Variants in TENM3 observed in about 807,000 individuals in gnomAD.
TENM3 encodes the protein teneurin-3.
TENM3 carries 63 observed loss-of-function variants against 255.1 expected under a neutral mutation model. The ratio of observed to expected loss-of-function variants is 0.25; its 90% CI spans 0.20 to 0.30. TENM3 has a LOEUF of 0.30. Among genes scored for constraint, TENM3 ranks in the 10% least tolerant of loss-of-function variants. The pLI is 1.00. For synonymous variants in TENM3, 1,306 were observed against 1,322.3 expected (o/e 0.99, Z 0.27); for missense variants, 2,929 against 3,461.1 (o/e 0.85, Z 3.86).
the TENM3 span, among the ~76,000 whole-genome samples, chr4:181,805,494 C>T: frequency 1.1e-4 from 16 of 152,234 alleles, no homozygotes; most frequent in African/African-American, 3.8e-4. Flanking sequence ...GAAGAATTTC[C>T]TTGCAGAATC....
chr4:182,673,755 G>A (rs183755316), intron 7 of TENM3, among the ~76,000 whole-genome samples: 23 of 152,190 alleles, frequency 1.5e-4, no homozygotes, highest in Non-Finnish European at 3.1e-4. Context: ...AGAGGCAAGA[G>A]AGCTTTCAGA....
chr4:181,585,161 TA>T, the TENM3 span, among the ~76,000 whole-genome samples: 92 of 149,738 alleles, frequency 6.1e-4, no homozygotes, highest in African/African-American at 2.0e-3. Context: ...ATATTTCAAC[TA>T]AAAAAAAAAT....
the TENM3 span, among the ~76,000 whole-genome samples, chr4:181,579,335 G>A: frequency 6.6e-6 from 1 of 152,144 alleles, no homozygotes; most frequent in African/African-American, 2.4e-5. Context: ...TTTGCAAACT[G>A]TTCTGTCCAT....
At chr4:182,124,553 C>A in the TENM3 span, among the ~76,000 whole-genome samples, 1 of 152,290 alleles carries the variant, frequency 6.6e-6, no homozygotes, top group Admixed American at 6.5e-5. Flanking sequence ...AGAACAAAGG[C>A]TGAGCCCTGG....
At position 182,680,675 on chromosome 4, in the gene TENM3, G is replaced by C; in HGVS notation, c.1772G>C (p.Gly591Ala). Residue 591 changes from glycine to alanine, a missense_variant, in exon 10 of 28, where the codon GGG becomes GCG. Gly to Ala is a moderately conservative substitution (Grantham distance 60). Coordinates refer to ENST00000511685, the MANE Select transcript of TENM3 (RefSeq NM_001080477.4). ...ATTGACCCACAGTGTGGGGGTCGTG[G>C]GATTTGTATCATGGGCTCTTGTGCT... ...QCIDPQCGGR[G>A]ICIMGSCACN... is the part of the protein sequence containing the mutation. 1.2e-6 allele frequency: 2 copies of C among 1,604,620 alleles called. No homozygotes were observed. Among genetic ancestry groups the C allele is most frequent in the South Asian group, 2.2e-5 (2 of 89,772 alleles).
chr4:182,166,103 C>T (rs555142255), intron 1 of TENM3, among the ~76,000 whole-genome samples: 8 of 152,124 alleles, frequency 5.3e-5, no homozygotes, highest in Non-Finnish European at 1.2e-4. Context: ...TTAAAATGTG[C>T]GTTTATGTAT....
chr4:181,714,751 A>C, the TENM3 span, among the ~76,000 whole-genome samples: 1 of 152,234 alleles, frequency 6.6e-6, no homozygotes, highest in Non-Finnish European at 1.5e-5. Flanking sequence ...TATATGCAAC[A>C]TAACACCATT....
At chr4:182,117,704 C>T in the TENM3 span, among the ~76,000 whole-genome samples, 1 of 152,170 alleles carries the variant, frequency 6.6e-6, no homozygotes, top group Admixed American at 6.5e-5. Context: ...TTGTGGCTTT[C>T]TAGTAAGTCT....
the TENM3 span, among the ~76,000 whole-genome samples, chr4:181,510,225 G>T: frequency 6.6e-6 from 1 of 152,046 alleles, no homozygotes; most frequent in African/African-American, 2.4e-5. Flanking sequence ...AAATATTTTT[G>T]AATTATTTTT....
the TENM3 span, among the ~76,000 whole-genome samples, chr4:181,728,832 C>G: frequency 1.3e-5 from 2 of 152,072 alleles, no homozygotes; most frequent in South Asian, 4.1e-4. Context: ...AAGATGGAGT[C>G]GCTCTGGTTC....
chr4:181,860,334 C>T, the TENM3 span, among the ~76,000 whole-genome samples: 1 of 152,060 alleles, frequency 6.6e-6, no homozygotes, highest in Non-Finnish European at 1.5e-5. Flanking sequence ...TTGGCTTCTC[C>T]AGAAGAGTAA....
intron 1 of TENM3, among the ~76,000 whole-genome samples, chr4:182,161,167 A>G (rs1223898679): frequency 6.9e-6 from 1 of 144,848 alleles, no homozygotes; most frequent in Non-Finnish European, 1.5e-5. Flanking sequence ...CTGTAATCCC[A>G]GCACTTTGGG....
At chr4:182,297,278 CTG>C (rs1343559634) in intron 1 of TENM3, among the ~76,000 whole-genome samples, 1 of 152,170 alleles carries the variant, frequency 6.6e-6, no homozygotes, top group East Asian at 1.9e-4. Flanking sequence ...GCAGGTGACA[CTG>C]TCACTTGCAT....
intron 3 of TENM3, among the ~76,000 whole-genome samples, chr4:182,540,742 A>G (rs1162690797): frequency 6.6e-6 from 1 of 152,178 alleles, no homozygotes; most frequent in Admixed American, 6.5e-5. Flanking sequence ...AGCTCGGTGA[A>G]AAAAATAGAT....
At chr4:182,040,830 G>A in the TENM3 span, among the ~76,000 whole-genome samples, 5 of 152,012 alleles carry the variant, frequency 3.3e-5, no homozygotes, top group Non-Finnish European at 7.4e-5. Flanking sequence ...TTGTTTGTGT[G>A]TTCTTGTGTT....
chr4:182,406,091 C>T (rs930700099), intron 3 of TENM3, among the ~76,000 whole-genome samples: 9 of 152,080 alleles, frequency 5.9e-5, no homozygotes, highest in South Asian at 2.1e-4. Flanking sequence ...GGATCACCTG[C>T]AGTCAGGAGT....
At chr4:181,751,549 C>G in the TENM3 span, among the ~76,000 whole-genome samples, 107 of 152,198 alleles carry the variant, frequency 7.0e-4, 1 homozygote, top group African/African-American at 2.4e-3. Flanking sequence ...GATCCAGAAC[C>G]GATTACACAT....
At chr4:182,567,359 C>T (rs558271618) in intron 3 of TENM3, among the ~76,000 whole-genome samples, 11 of 152,294 alleles carry the variant, frequency 7.2e-5, no homozygotes, top group African/African-American at 2.6e-4. Context: ...ACCTTCCCTC[C>T]CGTCCCATGC....
At chr4:181,658,122 C>A in the TENM3 span, among the ~76,000 whole-genome samples, 1 of 152,148 alleles carries the variant, frequency 6.6e-6, no homozygotes, top group Non-Finnish European at 1.5e-5. Context: ...CAAACCTGCA[C>A]ATGTACTCTC....
Sources: gnomAD v4.1 joint callset for allele counts (sites outside exome capture counted in the v4.1 genomes callset) on GRCh38, gnomAD v4.1.1 for gene constraint, MANE v1.5 for transcripts, NCBI Gene and HGNC (gene_info 2026-07-23, HGNC 2026-07-21) for gene names.